Variants in PDGFC observed in about 807,000 individuals in gnomAD.
PDGFC encodes the protein platelet-derived growth factor C.
In PDGFC, 12 loss-of-function variants were observed where a neutral mutation model predicts 35.5. That is an observed-to-expected ratio of 0.34 (90% CI 0.22 to 0.55). PDGFC has a LOEUF of 0.55. Ranked by LOEUF, PDGFC falls within the 20% of genes least tolerant of loss-of-function variation. The pLI is 0.91. For missense variants in PDGFC, 322 were observed against 412.4 expected, an observed-to-expected ratio of 0.78 and a Z score of 1.90; for synonymous variants, 159 against 148.8, an observed-to-expected ratio of 1.07 and a Z score of -0.50.
intron 1 of PDGFC, among the ~76,000 whole-genome samples, chr4:156,958,889 G>A (rs1341145006): frequency 3.9e-5 from 6 of 152,028 alleles, no homozygotes; most frequent in Non-Finnish European, 7.4e-5. Context: ...TCTCACACTA[G>A]GGTGGTTATA....
chr4:156,824,317 TATATATATATACAC>T (rs1472804445), intron 2 of PDGFC, among the ~76,000 whole-genome samples: 1 of 92,956 alleles, frequency 1.1e-5, no homozygotes, highest in African/African-American at 5.3e-5. Flanking sequence ...TATATATATA[TATATATATATACAC>T]ACACACACAC....
chr4:156,906,576 G>A (rs1730919910), intron 1 of PDGFC, among the ~76,000 whole-genome samples: 1 of 152,066 alleles, frequency 6.6e-6, no homozygotes, highest in African/African-American at 2.4e-5. Context: ...ATTCCTGGAA[G>A]GTAGCTTAGG....
chr4:156,916,679 G>A (rs1312140834), intron 1 of PDGFC, among the ~76,000 whole-genome samples: 2 of 152,116 alleles, frequency 1.3e-5, no homozygotes, highest in East Asian at 3.9e-4. Flanking sequence ...CTGCCCAACA[G>A]GCAGAACTTG....
At chr4:156,824,330 A>ACG (rs1732376082) in intron 2 of PDGFC, among the ~76,000 whole-genome samples, 1 of 117,106 alleles carries the variant, frequency 8.5e-6, no homozygotes, top group Non-Finnish European at 1.7e-5. Context: ...ATATATATAC[A>ACG]CACACACACA....
rs544851969 is a variant in PDGFC, at chr4:156,777,355, T to C, written c.496-4462A>G. Among the ~76,000 whole-genome samples, 41 of 152,338 alleles carry C rather than the reference T, an allele frequency of 2.7e-4. No individual in the cohort carries two copies. The South Asian group carries it at 8.1e-3, about 30-fold the overall frequency. On this transcript the variant is annotated intron_variant, in intron 3 of 5. Transcript: ENST00000502773. The stretch of plus-strand genomic sequence containing the variant: ...TGAATTAGAGTTCACTCAAAATTTC[T>C]ATTCTACTAAAGTCCTACTCACAGT...
chr4:156,942,702 TTATAA>T (rs1731838166), intron 1 of PDGFC, among the ~76,000 whole-genome samples: 2 of 148,394 alleles, frequency 1.3e-5, no homozygotes, highest in East Asian at 3.9e-4. Flanking sequence ...TATTATATAA[TTATAA>T]TATTATTATA....
chr4:156,770,097 C>T (rs1194857710), intron 4 of PDGFC: 1 of 151,906 alleles, frequency 6.6e-6, no homozygotes, highest in Non-Finnish European at 1.5e-5. Context: ...AGACAGATTT[C>T]CCAAGTGAAC....
chr4:156,859,080 A>G (rs538704254), intron 1 of PDGFC, among the ~76,000 whole-genome samples: 3 of 152,120 alleles, frequency 2.0e-5, no homozygotes, highest in Non-Finnish European at 2.9e-5. Context: ...AAAAAATGCA[A>G]ATAAGCCCAT....
intron 2 of PDGFC, among the ~76,000 whole-genome samples, chr4:156,816,815 C>T (rs539634538): frequency 2.3e-4 from 35 of 152,258 alleles, no homozygotes; most frequent in Middle Eastern, 3.4e-3. Flanking sequence ...ATTTCTGTAT[C>T]TCTATTCAGA....
Position 156,961,959 on chromosome 4 carries a change from C to G in PDGFC, c.118+8827G>C, listed in dbSNP as rs982390718. ...TGCCCTTCTAACCTGTTCACAACTT[C>G]CAAACATGCCTGATGACTGAAAAAC... On this transcript the variant is annotated intron_variant, in intron 1 of 5. Coordinates refer to ENST00000502773, the MANE Select transcript of PDGFC (RefSeq NM_016205.3). Among the ~76,000 whole-genome samples the G allele has an allele frequency of 4.1e-4, 62 of 152,126 alleles. 1 individual carries two copies. Among genetic ancestry groups the G allele is most frequent in the Non-Finnish European group, 1.5e-5 (1 of 68,016 alleles).
At chr4:156,969,806 T>C (rs901307025) in intron 1 of PDGFC, among the ~76,000 whole-genome samples, 4 of 152,228 alleles carry the variant, frequency 2.6e-5, no homozygotes, top group Non-Finnish European at 5.9e-5. Context: ...CCACCATTTG[T>C]AAACAGGGCG....
intron 3 of PDGFC, among the ~76,000 whole-genome samples, chr4:156,800,414 G>A (rs1731569154): frequency 6.6e-6 from 1 of 152,118 alleles, no homozygotes; most frequent in East Asian, 1.9e-4. Flanking sequence ...TCAGATTCAT[G>A]TGATTTCAAA....
At position 156,762,060 on chromosome 4, in the gene PDGFC, T is replaced by C. The variant is rs966372608; in HGVS notation, c.*1030A>G. The C allele has an allele frequency of 2.0e-5, 3 of 152,658 alleles. No homozygotes were observed. Among genetic ancestry groups the C allele is most frequent in the Non-Finnish European group, 4.4e-5 (3 of 68,038 alleles). 9.5% of individuals were successfully genotyped at this position (152,658 alleles called of 1,614,324 possible). ...TCTCCAATAACAGGAATGGAAGATA[T>C]GATAATTTAATTATTTTCAAAAAGT... On this transcript the variant is annotated 3_prime_UTR_variant, in exon 6 of 6. Coordinates refer to ENST00000502773, the MANE Select transcript of PDGFC (RefSeq NM_016205.3).
intron 3 of PDGFC, among the ~76,000 whole-genome samples, chr4:156,781,715 G>A (rs961918989): frequency 2.6e-5 from 4 of 152,018 alleles, no homozygotes. Context: ...AAAATGGGGC[G>A]TTTGTCAAAA....
intron 1 of PDGFC, among the ~76,000 whole-genome samples, chr4:156,867,826 T>C (rs1007115928): frequency 2.6e-5 from 4 of 152,120 alleles, no homozygotes. Flanking sequence ...TTTATGTAAG[T>C]GTAAAAGAAA....
chr4:156,773,410 A>G (rs1012150656), intron 3 of PDGFC, among the ~76,000 whole-genome samples: 2 of 152,218 alleles, frequency 1.3e-5, no homozygotes, highest in Non-Finnish European at 2.9e-5. Flanking sequence ...ATCATAAAAG[A>G]TCAGCTTAAT....
intron 3 of PDGFC, among the ~76,000 whole-genome samples, chr4:156,805,743 T>C (rs1170916233): frequency 6.6e-6 from 1 of 152,096 alleles, no homozygotes; most frequent in Non-Finnish European, 1.5e-5. Context: ...CCTACTGGCA[T>C]ATGTCAGAAG....
chr4:156,872,175 T>C (rs2111146186), intron 1 of PDGFC, among the ~76,000 whole-genome samples: 1 of 152,304 alleles, frequency 6.6e-6, no homozygotes, highest in African/African-American at 2.4e-5. Context: ...TGTTGTCATT[T>C]AGTGTGCTTG....
rs144309745 is a variant in PDGFC, at chr4:156,777,267, C to T, written c.496-4374G>A. On this transcript the variant is annotated intron_variant, in intron 3 of 5. Transcript: ENST00000502773. ...CCTAAAAATCTGAAGGAAACAAGTC[C>T]GTGCTTAGAAAACTGATACCAAAAA... Among the ~76,000 whole-genome samples, 10 of 152,148 alleles carry T rather than the reference C, an allele frequency of 6.6e-5. 1 individual carries two copies. Among genetic ancestry groups the T allele is most frequent in the Middle Eastern group, 6.8e-3 (2 of 294 alleles).
Sources: allele counts gnomAD v4.1 joint callset (sites outside exome capture counted in the v4.1 genomes callset), GRCh38; gene constraint gnomAD v4.1.1; transcripts MANE v1.5; gene names NCBI Gene and HGNC (gene_info 2026-07-23, HGNC 2026-07-21).